The following CTNND2 variants were observed in gnomAD, a reference collection of about 807,000 sequenced individuals.
CTNND2 encodes the protein catenin delta 2, also known as catenin delta-2.
CTNND2 carries 22 observed loss-of-function variants against 144.4 expected under a neutral mutation model. That is an observed-to-expected ratio of 0.15 (90% CI 0.11 to 0.22). The LOEUF (loss-of-function observed/expected upper bound fraction) is 0.22. CTNND2 is among the 10% of genes least tolerant of loss of function. CTNND2 has a pLI of 1.00. For missense variants in CTNND2, 1,353 were observed against 1,618.8 expected (o/e 0.84, Z 2.82); for synonymous variants, 751 against 695.6 (o/e 1.08, Z -1.25).
At position 11,663,191 on chromosome 5, in the gene CTNND2, A is replaced by T. The variant is rs1324383910; in HGVS notation, c.174+68945T>A. On this transcript the variant is annotated intron_variant, in intron 2 of 21. Coordinates refer to ENST00000304623, the MANE Select transcript of CTNND2 (RefSeq NM_001332.4). ...TTCTGTAAAGTGGTCGTGGCATCAT[A>T]AAAAATGTGTCTGCATAATTGATTT... Among the ~76,000 whole-genome samples, 4 of 152,194 alleles carry T rather than the reference A, an allele frequency of 2.6e-5. No homozygotes were observed. The East Asian group carries it at 7.7e-4, about 29-fold the overall frequency.
intron 12 of CTNND2, among the ~76,000 whole-genome samples, chr5:11,129,225 A>ATATATATTATATATTTATATATT (rs1561353386): frequency 8.9e-5 from 2 of 22,372 alleles, no homozygotes; most frequent in Non-Finnish European, 1.8e-4. Context: ...ATTATATATA[A>ATATATATTATATATTTATATATT]ATATATATTA....
chr5:11,217,020 C>T (rs1259850954), intron 10 of CTNND2, among the ~76,000 whole-genome samples: 7 of 152,190 alleles, frequency 4.6e-5, no homozygotes, highest in Non-Finnish European at 1.0e-4. Context: ...GTGTGCTGTG[C>T]ACACATTGCA....
At chr5:11,651,431 G>A (rs1453476904) in intron 2 of CTNND2, among the ~76,000 whole-genome samples, 1 of 152,216 alleles carries the variant, frequency 6.6e-6, no homozygotes, top group East Asian at 1.9e-4. Context: ...TTCTACTAGG[G>A]GAGTGTGGAG....
chr5:11,624,791 T>C (rs1781064511), intron 2 of CTNND2, among the ~76,000 whole-genome samples: 1 of 152,034 alleles, frequency 6.6e-6, no homozygotes, highest in African/African-American at 2.4e-5. Context: ...TCCCCCAACA[T>C]TAAGGAATTC....
chr5:11,015,877 C>T (rs1417599022), intron 18 of CTNND2, among the ~76,000 whole-genome samples: 2 of 152,114 alleles, frequency 1.3e-5, no homozygotes, highest in East Asian at 1.9e-4. Context: ...CATTTGCCTC[C>T]TGGAGGAATT....
At chr5:11,735,400 A>C (rs913729258) in intron 1 of CTNND2, among the ~76,000 whole-genome samples, 1 of 152,190 alleles carries the variant, frequency 6.6e-6, no homozygotes, top group Non-Finnish European at 1.5e-5. Context: ...GAAAGAGCAG[A>C]AAGTAAGAAG....
chr5:11,889,732 G>T (rs534307498), intron 1 of CTNND2, among the ~76,000 whole-genome samples: 2 of 152,102 alleles, frequency 1.3e-5, no homozygotes, highest in Non-Finnish European at 2.9e-5. Flanking sequence ...AGTAAACACA[G>T]AATTACTAAA....
intron 9 of CTNND2, among the ~76,000 whole-genome samples, chr5:11,319,174 C>G (rs1266308352): frequency 6.6e-6 from 1 of 151,974 alleles, no homozygotes; most frequent in Non-Finnish European, 1.5e-5. Context: ...TCTGTAGAAC[C>G]TTCTATCTAC....
chr5:11,495,781 A>C (rs16901677), intron 3 of CTNND2, among the ~76,000 whole-genome samples: 2,513 of 152,240 alleles, frequency 0.017, 70 homozygotes, highest in African/African-American at 0.058. Context: ...GCAACAGAAA[A>C]TCACCGAAGT....
chr5:11,405,224 A>T (rs1186972936), intron 5 of CTNND2, among the ~76,000 whole-genome samples: 12 of 152,300 alleles, frequency 7.9e-5, no homozygotes, highest in Middle Eastern at 3.4e-3. Context: ...CTGATAACTC[A>T]AGTGGGAATG....
intron 9 of CTNND2, among the ~76,000 whole-genome samples, chr5:11,275,892 C>A (rs1027242387): frequency 1.3e-5 from 2 of 152,212 alleles, no homozygotes; most frequent in South Asian, 4.1e-4. Flanking sequence ...GAGAAACATA[C>A]AATTTGTAGA....
At chr5:11,145,742 C>T (rs1757177380) in intron 12 of CTNND2, among the ~76,000 whole-genome samples, 2 of 152,180 alleles carry the variant, frequency 1.3e-5, no homozygotes, top group South Asian at 2.1e-4. Flanking sequence ...AATCACACTT[C>T]CATGGTTCCA....
chr5:11,047,785 T>A (rs1297141868), intron 16 of CTNND2, among the ~76,000 whole-genome samples: 1 of 152,144 alleles, frequency 6.6e-6, no homozygotes. Context: ...ATACCAGCTC[T>A]TGGGACTGGC....
In CTNND2 at chr5:11,694,384, G is replaced by A. The variant is rs915240125; in HGVS notation, c.174+37752C>T. Among the ~76,000 whole-genome samples the A allele has an allele frequency of 3.3e-5, 5 of 150,818 alleles. No individual in the cohort carries two copies. The South Asian group carries it at 6.3e-4, about 19-fold the overall frequency. ...CGGGAGGCGGAGCTTGCAGTGAGCC[G>A]AGATTGCAGCACTGCACCTCCAGCC... On this transcript the variant is annotated intron_variant, in intron 2 of 21. Coordinates refer to ENST00000304623, the MANE Select transcript of CTNND2 (RefSeq NM_001332.4).
At chr5:11,148,565 G>A (rs1757457177) in intron 12 of CTNND2, among the ~76,000 whole-genome samples, 1 of 152,214 alleles carries the variant, frequency 6.6e-6, no homozygotes, top group Admixed American at 6.5e-5. Context: ...TAAAGACAGT[G>A]GAGGGAGCTT....
At chr5:11,319,732 G>A (rs745366207) in intron 9 of CTNND2, among the ~76,000 whole-genome samples, 41 of 152,078 alleles carry the variant, frequency 2.7e-4, no homozygotes, top group South Asian at 6.2e-4. Flanking sequence ...TGTTGGCCAC[G>A]CTGGTCTCGA....
At chr5:11,819,690 G>A (rs905236598) in intron 1 of CTNND2, among the ~76,000 whole-genome samples, 7 of 152,176 alleles carry the variant, frequency 4.6e-5, no homozygotes, top group East Asian at 1.9e-4. Flanking sequence ...AACTTTTGCC[G>A]CCTCTTTCAC....
intron 2 of CTNND2, among the ~76,000 whole-genome samples, chr5:11,638,831 CG>C (rs1349537168): frequency 2.0e-5 from 3 of 152,122 alleles, no homozygotes; most frequent in Admixed American, 1.3e-4. Flanking sequence ...ACCTCAGCCC[CG>C]CAAAGTGCTA....
chr5:11,119,817 G>A (rs1354320472), intron 12 of CTNND2, among the ~76,000 whole-genome samples: 1 of 152,160 alleles, frequency 6.6e-6, no homozygotes, highest in East Asian at 1.9e-4. Flanking sequence ...GGTAGCGTGT[G>A]TACACCCTGA....
Sources: allele counts gnomAD v4.1 joint callset (sites outside exome capture counted in the v4.1 genomes callset), GRCh38; gene constraint gnomAD v4.1.1; transcripts MANE v1.5; gene names NCBI Gene and HGNC (gene_info 2026-07-23, HGNC 2026-07-21).